The following G3BP1 variants were observed in gnomAD, a reference collection of about 807,000 sequenced individuals.
G3BP1 encodes ras GTPase-activating protein-binding protein 1.
G3BP1 carries 35 observed loss-of-function variants against 58.6 expected under a neutral mutation model. The observed-to-expected ratio is 0.60, with a 90% CI of 0.46 to 0.79. The LOEUF (loss-of-function observed/expected upper bound fraction) is 0.79. Among genes scored for constraint, G3BP1 ranks in the 30% least tolerant of loss-of-function variants. The pLI, the probability that G3BP1 is intolerant of heterozygous loss-of-function variation, is 0.00. For synonymous variants in G3BP1, 191 were observed against 195.4 expected (o/e 0.98, Z 0.19); for missense variants, 523 against 580.8 (o/e 0.90, Z 1.02).
chr5:151,778,156 A>C (rs1388838701), intron 1 of G3BP1, among the ~76,000 whole-genome samples: 1 of 152,156 alleles, frequency 6.6e-6, no homozygotes, highest in Non-Finnish European at 1.5e-5. Flanking sequence ...ATGTATGCCT[A>C]ACTTTTAAAG....
chr5:151,797,390 C>T lies in G3BP1; in HGVS notation c.703C>T (p.Pro235Ser). ...EDAQKSSSPAPADIAQTVQED... is the reference protein window; with the variant it reads ...EDAQKSSSPASADIAQTVQED... ...TGCTCAGAAGAGTTCTTCTCCAGCACCTGCAGACATAGCTCAGACAGTACA... is the reference window on the plus strand; with the variant it reads ...TGCTCAGAAGAGTTCTTCTCCAGCATCTGCAGACATAGCTCAGACAGTACA... The change falls in exon 7 of 12, where the codon CCT becomes TCT. Residue 235 changes from proline (P) to serine (S), a missense_variant. By Grantham distance (74) the Pro-to-Ser change is moderately conservative. Around this residue, in one of 2 missense-constraint regions of G3BP1, gnomAD observed 398 missense variants for 399.1 expected, o/e 1.00. Transcript: ENST00000356245. 1.9e-6 allele frequency: 3 copies of T among 1,612,862 alleles called. No homozygotes were observed. The highest frequency in any genetic ancestry group is 2.5e-6 in the Non-Finnish European group (3 of 1,178,890).
chr5:151,800,776 G>A lies in G3BP1; in HGVS notation c.1101G>A (p.Val367=), dbSNP rs774554057. The change falls in exon 11 of 12, where the codon GTG becomes GTA. Residue 367 remains valine (V), a synonymous_variant. Transcript: ENST00000356245. ...KDFFQSYGNV[V]ELRINSGGKL... ...CACTTGCAGGTTATGGAAACGTGGT[G>A]GAGTTGCGCATTAACAGTGGTGGGA... The A allele has an allele frequency of 2.5e-6, 4 of 1,607,622 alleles. No homozygotes were observed. The highest frequency in any genetic ancestry group is 2.2e-5 in the South Asian group (2 of 90,940).
At chr5:151,785,682 G>A (rs1210482989) in intron 1 of G3BP1, among the ~76,000 whole-genome samples, 1 of 152,126 alleles carries the variant, frequency 6.6e-6, no homozygotes, top group African/African-American at 2.4e-5. Context: ...AATTTTACAT[G>A]ATCACAATTT....
intron 4 of G3BP1, 52 bp downstream of exon 4, chr5:151,791,114 C>A: frequency 1.4e-6 from 2 of 1,410,430 alleles, no homozygotes; most frequent in Non-Finnish European, 2.0e-6. Flanking sequence ...AAAAAAGAAA[C>A]AATGAACTGT....
intron 1 of G3BP1, among the ~76,000 whole-genome samples, chr5:151,776,939 C>G (rs1561529935): frequency 1.3e-5 from 2 of 150,152 alleles, no homozygotes; most frequent in Non-Finnish European, 3.0e-5. Flanking sequence ...TTGACACTTC[C>G]CTATCTTATC....
Position 151,794,161 on chromosome 5 carries a change from G to A in G3BP1, c.354G>A (p.Gly118=), listed in dbSNP as rs1182042681. The A allele has an allele frequency of 5.7e-6, 9 of 1,590,310 alleles. 1 individual carries two copies. The highest frequency in any genetic ancestry group is 4.5e-5 in the East Asian group (2 of 44,764). ...AAAACTTTCTGTTGGCATTGCAGGG[G>A]TCTGTTGCAAATAAATTCTATGTTC... ...FMQTFVLAPE[G]SVANKFYVHN... Residue 118 remains glycine (G), a splice_region_variant and synonymous_variant, in exon 5 of 12, where the codon GGG becomes GGA. Transcript: ENST00000356245.
At chr5:151,779,642 T>A (rs746341325) in intron 1 of G3BP1, among the ~76,000 whole-genome samples, 1 of 152,244 alleles carries the variant, frequency 6.6e-6, no homozygotes, top group African/African-American at 2.4e-5. Flanking sequence ...TTTTTAATAA[T>A]GTTTTTGAGT....
chr5:151,786,121 G>A (rs901071800), intron 1 of G3BP1, among the ~76,000 whole-genome samples: 3 of 152,018 alleles, frequency 2.0e-5, no homozygotes, highest in Admixed American at 6.6e-5. Flanking sequence ...GTGAAATCCC[G>A]TGCTAAAAAA....
Position 151,788,344 on chromosome 5 carries a change from A to T in G3BP1, c.95+1629A>T, listed in dbSNP as rs143244662. On this transcript the variant is annotated intron_variant, in intron 2 of 11. Coordinates refer to ENST00000356245, the MANE Select transcript of G3BP1 (RefSeq NM_005754.3). The stretch of plus-strand genomic sequence containing the variant: ...ACACTCAGAGGGGTTAAAAATTTGC[A>T]GGTACATATGCACATGACTATTAAG... Among the ~76,000 whole-genome samples, 1,496 of 152,222 alleles carry T rather than the reference A, an allele frequency of 9.8e-3. 28 individuals are homozygous for T. The highest frequency in any genetic ancestry group is 0.034 in the African/African-American group (1,422 of 41,542).
chr5:151,790,346 A>G lies in G3BP1; in HGVS notation c.119A>G (p.Tyr40Cys). 1 of 1,571,038 alleles carries G rather than the reference A, an allele frequency of 6.4e-7. No individual in the cohort carries two copies. The change falls in exon 3 of 12, where the codon TAT (tyrosine) becomes TGT (cysteine). Residue 40 changes from tyrosine to cysteine, a missense_variant. Tyr to Cys is a radical substitution (Grantham distance 194). This residue lies in a region of G3BP1 where 398 missense variants were observed against 399.1 expected (regional missense o/e 1.00). Transcript: ENST00000356245. Reference protein sequence around the residue: ...LHRFYGKNSSYVHGGLDSNGK... With the variant: ...LHRFYGKNSSCVHGGLDSNGK... Reference sequence around the variant, plus strand: ...AGATTTTATGGAAAGAACTCTTCTTATGTCCATGGGGGATTGGATTCAAAT... The same window carrying G: ...AGATTTTATGGAAAGAACTCTTCTTGTGTCCATGGGGGATTGGATTCAAAT...
At position 151,797,286 on chromosome 5, in the gene G3BP1, C is replaced by G. The variant is rs1229924619; in HGVS notation, c.599C>G (p.Pro200Arg). 6.2e-7 allele frequency: 1 copy of G among 1,612,658 alleles called. No individual in the cohort carries two copies. Among genetic ancestry groups the G allele is most frequent in the East Asian group, 2.2e-5 (1 of 44,868 alleles). The change falls in exon 7 of 12, where the codon CCA (proline) becomes CGA (arginine). Residue 200 changes from proline (P) to arginine (R), a missense_variant. By Grantham distance (103) the Pro-to-Arg change is moderately radical. Around this residue, in one of 2 missense-constraint regions of G3BP1, gnomAD observed 398 missense variants for 399.1 expected, o/e 1.00. Transcript: ENST00000356245. ...GCTGAACCAGAGCCTGATCCTGAAC[C>G]AGAACCAGAACAAGAACCTGTATCT... is the stretch of plus-strand genomic sequence containing the variant. ...PVAEPEPDPEPEPEQEPVSEI... is the reference protein window; with the variant it reads ...PVAEPEPDPEREPEQEPVSEI...
intron 1 of G3BP1, among the ~76,000 whole-genome samples, chr5:151,784,493 CTGTT>C (rs1162423909): frequency 6.6e-6 from 1 of 152,178 alleles, no homozygotes; most frequent in Non-Finnish European, 1.5e-5. Flanking sequence ...AAAATTGTGT[CTGTT>C]ATGTGTCAGA....
At chr5:151,781,863 A>C (rs1762476859) in intron 1 of G3BP1, among the ~76,000 whole-genome samples, 1 of 152,192 alleles carries the variant, frequency 6.6e-6, no homozygotes, top group Admixed American at 6.5e-5. Flanking sequence ...TTAGTAGTTA[A>C]AATTTTGAGG....
intron 1 of G3BP1, among the ~76,000 whole-genome samples, chr5:151,782,238 C>T (rs1762482411): frequency 6.6e-6 from 1 of 152,172 alleles, no homozygotes; most frequent in Non-Finnish European, 1.5e-5. Flanking sequence ...GATTAAGTTA[C>T]TAGCTCAAGG....
chr5:151,794,941 G>A (rs1214652871), intron 5 of G3BP1, among the ~76,000 whole-genome samples: 2 of 152,172 alleles, frequency 1.3e-5, no homozygotes, highest in Admixed American at 6.5e-5. Context: ...GCCTGCATTA[G>A]GCTCCATGCT....
chr5:151,793,887 C>A (rs376785274), intron 4 of G3BP1, among the ~76,000 whole-genome samples: 3 of 151,582 alleles, frequency 2.0e-5, no homozygotes, highest in East Asian at 3.9e-4. Context: ...GGTGGCGCGC[C>A]CCTGTAGTTC....
intron 1 of G3BP1, among the ~76,000 whole-genome samples, chr5:151,785,237 C>T (rs1000979215): frequency 1.4e-4 from 21 of 152,236 alleles, no homozygotes; most frequent in African/African-American, 4.6e-4. Context: ...CAAAATACTC[C>T]TAGTATGACT....
chr5:151,787,320 C>T (rs1762569732), intron 2 of G3BP1: 1 of 152,206 alleles, frequency 6.6e-6, no homozygotes, highest in Non-Finnish European at 1.5e-5. Context: ...GTATTGAAGA[C>T]AATCCATGAC....
intron 1 of G3BP1, among the ~76,000 whole-genome samples, chr5:151,775,483 T>C (rs1762353145): frequency 1.3e-5 from 2 of 152,288 alleles, no homozygotes; most frequent in Non-Finnish European, 2.9e-5. Flanking sequence ...TAGGGTACTA[T>C]AGCCAGCTTA....
Sources: allele counts gnomAD v4.1 joint callset (sites outside exome capture counted in the v4.1 genomes callset), GRCh38; gene constraint gnomAD v4.1.1; regional missense constraint gnomAD v4.1.1; transcripts MANE v1.5; gene names NCBI Gene and HGNC (gene_info 2026-07-23, HGNC 2026-07-21).